The following CSMD1 variants were observed in gnomAD, a reference collection of about 807,000 sequenced individuals.
CSMD1 encodes CUB and sushi domain-containing protein 1.
CSMD1 carries 213 observed loss-of-function variants against 417.5 expected under a neutral mutation model. That is an observed-to-expected ratio of 0.51 (90% CI 0.46 to 0.57). CSMD1 has a LOEUF of 0.57. Ranked by LOEUF, CSMD1 falls within the 20% of genes least tolerant of loss-of-function variation. The pLI, the probability that CSMD1 is intolerant of heterozygous loss-of-function variation, is 0.00. For missense variants in CSMD1, 6,923 were observed against 4,529.7 expected, an observed-to-expected ratio of 1.53 and a Z score of -15.17; for synonymous variants, 2,862 against 1,736.8, an observed-to-expected ratio of 1.65 and a Z score of -16.11.
intron 5 of CSMD1, among the ~76,000 whole-genome samples, chr8:3,980,516 G>T (rs1207847223): frequency 6.7e-6 from 1 of 149,484 alleles, no homozygotes; most frequent in Non-Finnish European, 1.5e-5. Flanking sequence ...CTTCTATGTT[G>T]TTTATGCCAT....
At chr8:4,745,104 A>T (rs1240417372) in intron 1 of CSMD1, among the ~76,000 whole-genome samples, 1 of 152,162 alleles carries the variant, frequency 6.6e-6, no homozygotes, top group Non-Finnish European at 1.5e-5. Context: ...TAAGAATGGC[A>T]TGTCAAAATC....
intron 1 of CSMD1, among the ~76,000 whole-genome samples, chr8:4,927,369 T>C (rs1302906440): frequency 6.6e-6 from 1 of 152,056 alleles, no homozygotes; most frequent in African/African-American, 2.4e-5. Context: ...AATGCATTAT[T>C]TAATCTAATC....
chr8:3,718,844 G>C (rs1021902645), intron 6 of CSMD1, among the ~76,000 whole-genome samples: 1 of 152,100 alleles, frequency 6.6e-6, no homozygotes. Flanking sequence ...GATTTAACTT[G>C]GAAGCAGGTG....
intron 7 of CSMD1, among the ~76,000 whole-genome samples, chr8:3,692,520 C>G (rs1255836971): frequency 1.3e-5 from 2 of 151,872 alleles, no homozygotes; most frequent in South Asian, 2.1e-4. Flanking sequence ...CGGCTCACTA[C>G]AACCTTCACA....
At chr8:3,608,646 C>T (rs1305745398) in intron 8 of CSMD1, among the ~76,000 whole-genome samples, 1 of 151,422 alleles carries the variant, frequency 6.6e-6, no homozygotes, top group Non-Finnish European at 1.5e-5. Context: ...CGCCTGTAAT[C>T]CCAGCTACTC....
chr8:4,445,407 C>A (rs921465857), intron 2 of CSMD1, among the ~76,000 whole-genome samples: 1 of 152,114 alleles, frequency 6.6e-6, no homozygotes, highest in East Asian at 1.9e-4. Flanking sequence ...TTGGATTATT[C>A]TAATACTATT....
chr8:4,621,325 G>A (rs1433707818), intron 2 of CSMD1, among the ~76,000 whole-genome samples: 1 of 152,022 alleles, frequency 6.6e-6, no homozygotes, highest in Non-Finnish European at 1.5e-5. Context: ...GTCAGGTGTG[G>A]AATTTTCCAC....
intron 3 of CSMD1, among the ~76,000 whole-genome samples, chr8:4,187,692 A>AAAT (rs1456631071): frequency 1.3e-5 from 2 of 151,658 alleles, no homozygotes; most frequent in African/African-American, 2.4e-5. Flanking sequence ...AAAAAAAAAA[A>AAAT]AAGCATTCAG....
At chr8:3,414,870 C>G (rs916429817) in intron 12 of CSMD1, among the ~76,000 whole-genome samples, 1 of 152,140 alleles carries the variant, frequency 6.6e-6, no homozygotes, top group Non-Finnish European at 1.5e-5. Context: ...CTAATTCAGT[C>G]TGCGCTTGCT....
intron 3 of CSMD1, among the ~76,000 whole-genome samples, chr8:4,321,879 T>C (rs1563451246): frequency 1.3e-5 from 2 of 152,182 alleles, no homozygotes; most frequent in African/African-American, 2.4e-5. Flanking sequence ...ATAAATAATA[T>C]ATCATCATTG....
In CSMD1 at chr8:4,949,501, A is replaced by G. The variant is rs144665775; in HGVS notation, c.85+44831T>C. On this transcript the variant is annotated intron_variant, in intron 1 of 69. Transcript: ENST00000635120. The stretch of plus-strand genomic sequence containing the variant: ...ATTTAGTAGTTCTCAACCAGGGGCA[A>G]TTCTGCCTCCCAGGGGATATGCTGC... Among the ~76,000 whole-genome samples the G allele has an allele frequency of 1.4e-3, 218 of 152,298 alleles. 7 individuals are homozygous for G. The East Asian group carries it at 0.016, about 11-fold the overall frequency.
Position 4,633,257 on chromosome 8 carries a change from G to GT in CSMD1, c.302+4084dup, listed in dbSNP as rs201763174. Among the ~76,000 whole-genome samples the GT allele has an allele frequency of 8.2e-3, 1,238 of 150,478 alleles. 14 individuals carry two copies. The highest frequency in any genetic ancestry group is 0.022 in the African/African-American group (895 of 41,038). ...TTTTTATGTGTTCGTTTGTTTCTTT[G>GT]TTTTTTTTTGATGGAGTTTCAGTCT... On this transcript the variant is annotated intron_variant, in intron 2 of 69. Transcript: ENST00000635120.
At chr8:3,407,097 G>C (rs147962300) in intron 14 of CSMD1, among the ~76,000 whole-genome samples, 17 of 152,160 alleles carry the variant, frequency 1.1e-4, no homozygotes, top group African/African-American at 4.1e-4. Flanking sequence ...ATGAATGGAG[G>C]GATGGATGGA....
At chr8:4,248,555 T>G (rs1442773068) in intron 3 of CSMD1, among the ~76,000 whole-genome samples, 1 of 152,168 alleles carries the variant, frequency 6.6e-6, no homozygotes, top group African/African-American at 2.4e-5. Context: ...CACATTCTAT[T>G]TCTCTTTGGC....
chr8:3,800,959 A>G (rs866658285), intron 5 of CSMD1, among the ~76,000 whole-genome samples: 1 of 152,146 alleles, frequency 6.6e-6, no homozygotes, highest in Non-Finnish European at 1.5e-5. Context: ...TCCTTTTATC[A>G]CAACACAAAA....
chr8:3,472,015 C>T (rs1416710675), intron 11 of CSMD1, among the ~76,000 whole-genome samples: 1 of 152,068 alleles, frequency 6.6e-6, no homozygotes, highest in Non-Finnish European at 1.5e-5. Flanking sequence ...CTTTACACCC[C>T]TTTCACTTTG....
At position 4,528,418 on chromosome 8, in the gene CSMD1, G is replaced by A. The variant is rs116923561; in HGVS notation, c.303-108353C>T. Reference sequence around the variant, plus strand: ...GGTAAGTGGAATATGCAAAACACATGTGGACTTTTACCATATCTACCACAG... The same window carrying A: ...GGTAAGTGGAATATGCAAAACACATATGGACTTTTACCATATCTACCACAG... On this transcript the variant is annotated intron_variant, in intron 2 of 69. Transcript: ENST00000635120. Among the ~76,000 whole-genome samples the A allele has an allele frequency of 1.2e-4, 18 of 152,308 alleles. No homozygotes were observed. The East Asian group carries it at 2.7e-3, about 23-fold the overall frequency.
At chr8:4,647,869 G>GTAGACATACATGTGCATGTGTCT (rs1803638259) in intron 1 of CSMD1, among the ~76,000 whole-genome samples, 1 of 152,158 alleles carries the variant, frequency 6.6e-6, no homozygotes. Context: ...TAGTACTGCA[G>GTAGACATACATGTGCATGTGTCT]TAGACATACA....
rs564837633 is a variant in CSMD1, at chr8:3,097,176, T to A, written c.6950-139A>T. ...AGCTCTGGCCAAATTTAATACCGAA[T>A]GCAAACACAGAGGGAGGGCAACATT... On this transcript the variant is annotated intron_variant, in intron 46 of 69. Coordinates refer to ENST00000635120, the MANE Select transcript of CSMD1 (RefSeq NM_033225.6). 10 of 600,734 alleles carry A rather than the reference T, an allele frequency of 1.7e-5. No homozygotes were observed. In the Admixed American group the frequency reaches 3.3e-4, roughly 20 times the overall value. The allele number at this position is 600,734 out of a possible 1,614,324, so 37.2% of individuals were successfully genotyped here.
Sources: allele counts gnomAD v4.1 joint callset (sites outside exome capture counted in the v4.1 genomes callset), GRCh38; gene constraint gnomAD v4.1.1; transcripts MANE v1.5; gene names NCBI Gene and HGNC (gene_info 2026-07-23, HGNC 2026-07-21).